Variants in GFRA2 observed in about 807,000 individuals in gnomAD.
GFRA2 encodes the protein GDNF family receptor alpha-2.
In GFRA2, 17 loss-of-function variants were observed where a neutral mutation model predicts 48.3. The ratio of observed to expected loss-of-function variants is 0.35; its 90% CI spans 0.24 to 0.53. The LOEUF (loss-of-function observed/expected upper bound fraction) is 0.53. GFRA2 is among the 20% of genes least tolerant of loss of function. The pLI is 0.93. For synonymous variants in GFRA2, 305 were observed against 257.2 expected, an observed-to-expected ratio of 1.19 and a Z score of -1.78; for missense variants, 660 against 637.3, an observed-to-expected ratio of 1.04 and a Z score of -0.38.
At chr8:21,761,635 G>A (rs1805915977) in intron 3 of GFRA2, among the ~76,000 whole-genome samples, 1 of 152,318 alleles carries the variant, frequency 6.6e-6, no homozygotes, top group East Asian at 1.9e-4. Context: ...ATAGTACACA[G>A]GCAATAAATG....
chr8:21,787,876 C>G (rs925146019), intron 1 of GFRA2, among the ~76,000 whole-genome samples: 11 of 152,202 alleles, frequency 7.2e-5, no homozygotes, highest in South Asian at 6.2e-4. Context: ...ACAGTGTCTG[C>G]GGGGCTGGTT....
intron 1 of GFRA2, 134 bp from the exon 2 acceptor site, chr8:21,783,033 G>C: frequency 2.4e-6 from 2 of 822,082 alleles, no homozygotes; most frequent in Non-Finnish European, 4.0e-6. Context: ...GCGACTCTGT[G>C]GGACAGCCCT....
chr8:21,804,273 C>T (rs956898207), intron 2 of GFRA2, among the ~76,000 whole-genome samples: 1 of 152,110 alleles, frequency 6.6e-6, no homozygotes, highest in Non-Finnish European at 1.5e-5. Flanking sequence ...GATTCTCAGC[C>T]TGGTTCTGAC....
At chr8:21,788,028 A>ACCACCC in intron 1 of GFRA2, 92 bp downstream of exon 1, 1 of 572,168 alleles carries the variant, frequency 1.7e-6, no homozygotes, top group Non-Finnish European at 2.8e-6. Context: ...CTCCCCGCCG[A>ACCACCC]CCTCCCGCCA....
intron 3 of GFRA2, among the ~76,000 whole-genome samples, chr8:21,751,855 T>C (rs1360211790): frequency 1.3e-5 from 2 of 152,016 alleles, no homozygotes; most frequent in African/African-American, 2.4e-5. Context: ...GTGTTAGATA[T>C]AAAAGCGCAA....
intron 4 of GFRA2, among the ~76,000 whole-genome samples, chr8:21,739,994 C>A (rs916384343): frequency 3.9e-5 from 6 of 152,190 alleles, no homozygotes; most frequent in African/African-American, 7.2e-5. Context: ...ATATCGTGGC[C>A]CCTCCAAGCC....
intron 2 of GFRA2, among the ~76,000 whole-genome samples, chr8:21,799,756 C>A (rs1807739858): frequency 6.6e-6 from 1 of 152,132 alleles, no homozygotes; most frequent in Non-Finnish European, 1.5e-5. Context: ...CAAGCTAATC[C>A]CCCTGAAGTG....
intron 4 of GFRA2, among the ~76,000 whole-genome samples, chr8:21,731,152 C>G (rs1804170343): frequency 6.6e-6 from 1 of 152,184 alleles, no homozygotes; most frequent in African/African-American, 2.4e-5. Flanking sequence ...ACCAACTCCC[C>G]CAGCGTCACG....
intron 3 of GFRA2, among the ~76,000 whole-genome samples, chr8:21,760,733 T>C (rs568631773): frequency 1.3e-5 from 2 of 152,204 alleles, no homozygotes; most frequent in South Asian, 2.1e-4. Context: ...GAAAGCCACA[T>C]AACTCAGTGA....
At position 21,717,597 on chromosome 8, in the gene GFRA2, T is replaced by A. The variant is rs566401019; in HGVS notation, c.795-11556A>T. ...AGGAATCCAGAGTTATTATAAACAATGATTTCTCTAAGCCTTCTGTTAGAG... is the reference window on the plus strand; with the variant it reads ...AGGAATCCAGAGTTATTATAAACAAAGATTTCTCTAAGCCTTCTGTTAGAG... On this transcript the variant is annotated intron_variant, in intron 4 of 8. Transcript: ENST00000524240. Among the ~76,000 whole-genome samples, 324 of 152,332 alleles carry A rather than the reference T, an allele frequency of 2.1e-3. 2 individuals carry two copies. Among genetic ancestry groups the A allele is most frequent in the Non-Finnish European group, 3.9e-3 (264 of 68,040 alleles).
At position 21,782,828 on chromosome 8, in the gene GFRA2, C is replaced by A; in HGVS notation, c.112G>T (p.Val38Leu). Residue 38 changes from valine (V) to leucine (L), a missense_variant, in exon 2 of 9, where the codon GTG becomes TTG. Val to Leu is a conservative substitution (Grantham distance 32). Coordinates refer to ENST00000524240, the MANE Select transcript of GFRA2 (RefSeq NM_001495.5). ...GPELHGWRPP[V>L]DCVRANELCA... The stretch of plus-strand genomic sequence containing the variant: ...AGCTCATTGGCCCGGACACAGTCCA[C>A]TGGGGGGCGCCAGCCGTGGAGCTCG... The A allele has an allele frequency of 1.3e-6, 2 of 1,571,894 alleles. No individual in the cohort carries two copies. Among genetic ancestry groups the A allele is most frequent in the East Asian group, 2.3e-5 (1 of 43,222 alleles).
chr8:21,783,032 T>A, intron 1 of GFRA2, 133 bp from the exon 2 acceptor site: 1 of 831,640 alleles, frequency 1.2e-6, no homozygotes, highest in Non-Finnish European at 2.0e-6. Flanking sequence ...GGCGACTCTG[T>A]GGGACAGCCC....
At chr8:21,757,506 C>CTTTTTTTTTTTTTTTTTTT (rs5889999) in intron 3 of GFRA2, among the ~76,000 whole-genome samples, 2 of 145,734 alleles carry the variant, frequency 1.4e-5, no homozygotes, top group Non-Finnish European at 1.5e-5. Flanking sequence ...TTCCTTAATC[C>CTTTTTTTTTTTTTTTTTTT]TTTTTTTTGA....
intron 4 of GFRA2, among the ~76,000 whole-genome samples, chr8:21,719,924 C>T (rs973555622): frequency 4.6e-5 from 7 of 152,170 alleles, no homozygotes; most frequent in African/African-American, 1.7e-4. Context: ...TCTCATTAGC[C>T]AAGTTCTTCT....
intron 4 of GFRA2, among the ~76,000 whole-genome samples, chr8:21,749,521 C>T (rs1369993656): frequency 6.6e-6 from 1 of 151,774 alleles, no homozygotes; most frequent in African/African-American, 2.4e-5. Flanking sequence ...TGACCCATTC[C>T]TCACTCATAT....
upstream of GFRA2, among the ~76,000 whole-genome samples, chr8:21,790,514 C>A (rs1483373445): frequency 3.3e-5 from 5 of 152,242 alleles, no homozygotes; most frequent in Non-Finnish European, 5.9e-5. Context: ...GGAGCAACTT[C>A]CATCTTGAGG....
At chr8:21,711,464 C>A (rs1041012053) in intron 4 of GFRA2, among the ~76,000 whole-genome samples, 4 of 152,184 alleles carry the variant, frequency 2.6e-5, no homozygotes, top group Non-Finnish European at 4.4e-5. Context: ...AACACAAACC[C>A]TCTCTGGGCG....
chr8:21,750,753 CG>C lies in GFRA2; in HGVS notation c.628del (p.Arg210GlyfsTer91). ...CHKALRQFFD[R>X]VPSEYTYRML... ...GCGGTAGGTGTACTCGCTGGGCACC[CG>C]GTCGAAGAACTGGCGCAGGGCCTTG... On this transcript the variant is annotated frameshift_variant, in exon 4 of 9. Coordinates refer to ENST00000524240, the MANE Select transcript of GFRA2 (RefSeq NM_001495.5). LOFTEE classifies it high-confidence loss of function. This position sits in a 1 kb window ranked among gnomAD's most constrained non-coding sequence, Gnocchi z 5.7. The C allele has an allele frequency of 6.2e-7, 1 of 1,613,940 alleles. No individual in the cohort carries two copies. Among genetic ancestry groups the C allele is most frequent in the Non-Finnish European group, 8.5e-7 (1 of 1,179,886 alleles).
At chr8:21,811,075 C>G (rs1807971631) in intron 1 of GFRA2, among the ~76,000 whole-genome samples, 2 of 152,326 alleles carry the variant, frequency 1.3e-5, no homozygotes, top group South Asian at 4.1e-4. Context: ...TGGCTGGCCC[C>G]TCCTGGGCCC....
Sources: gnomAD v4.1 joint callset for allele counts (sites outside exome capture counted in the v4.1 genomes callset) on GRCh38, gnomAD v4.1.1 for gene constraint, Gnocchi (gnomAD v3.1) non-coding constraint, MANE v1.5 for transcripts, NCBI Gene and HGNC (gene_info 2026-07-23, HGNC 2026-07-21) for gene names.